Variants in EIF2AK3 observed in about 807,000 individuals in gnomAD.
EIF2AK3 encodes the protein eukaryotic translation initiation factor 2 alpha kinase 3.
EIF2AK3 carries 50 observed loss-of-function variants against 113.5 expected under a neutral mutation model. The ratio of observed to expected loss-of-function variants is 0.44; its 90% CI spans 0.35 to 0.56. EIF2AK3 has a LOEUF of 0.56. Ranked by LOEUF, EIF2AK3 falls within the 20% of genes least tolerant of loss-of-function variation. The pLI is 0.00. For missense variants in EIF2AK3, 1,185 were observed against 1,378.0 expected (o/e 0.86, Z 2.22); for synonymous variants, 448 against 495.4 (o/e 0.90, Z 1.27).
chr2:88,571,809 T>G (rs1321802445), intron 13 of EIF2AK3, among the ~76,000 whole-genome samples: 1 of 152,196 alleles, frequency 6.6e-6, no homozygotes, highest in Non-Finnish European at 1.5e-5. Flanking sequence ...AAAACCTCTA[T>G]GTTCTCAAGA....
At chr2:88,604,997 C>T (rs1159021574) in intron 2 of EIF2AK3, among the ~76,000 whole-genome samples, 1 of 151,978 alleles carries the variant, frequency 6.6e-6, no homozygotes, top group African/African-American at 2.4e-5. Flanking sequence ...TTTTTGATCC[C>T]CGATTTTATC....
At chr2:88,594,422 C>A (rs1336781724) in intron 3 of EIF2AK3, among the ~76,000 whole-genome samples, 2 of 152,182 alleles carry the variant, frequency 1.3e-5, no homozygotes, top group Non-Finnish European at 2.9e-5. Flanking sequence ...GTCTCGAACT[C>A]CTGGCCTCAA....
At chr2:88,567,264 A>G (rs1434346641) in intron 14 of EIF2AK3, among the ~76,000 whole-genome samples, 3 of 151,168 alleles carry the variant, frequency 2.0e-5, no homozygotes, top group Non-Finnish European at 2.9e-5. Context: ...TCATGGGGAT[A>G]TTTAAACACA....
intron 13 of EIF2AK3, 36 bp from the exon 14 acceptor site, chr2:88,571,077 G>A (rs777054739): frequency 2.5e-6 from 4 of 1,608,152 alleles, no homozygotes; most frequent in Middle Eastern, 1.6e-4. Context: ...TACAGTGGGT[G>A]TGCATGGAGG....
At chr2:88,559,510 C>CTG (rs141821640) in intron 15 of EIF2AK3, among the ~76,000 whole-genome samples, 65,864 of 141,138 alleles carry the variant, frequency 0.47, 16,581 homozygotes, top group East Asian at 0.65. Flanking sequence ...ACCAAGATGA[C>CTG]TGTGTGTGTG....
intron 1 of EIF2AK3, among the ~76,000 whole-genome samples, chr2:88,619,968 A>AAC (rs1283131754): frequency 6.6e-6 from 1 of 151,974 alleles, no homozygotes; most frequent in East Asian, 1.9e-4. Flanking sequence ...AAAAAAAAAA[A>AAC]AAAAAAATCT....
chr2:88,558,162 T>G (rs187164681), intron 16 of EIF2AK3, among the ~76,000 whole-genome samples: 1 of 152,142 alleles, frequency 6.6e-6, no homozygotes, highest in Admixed American at 6.6e-5. Context: ...AGAACTTTAT[T>G]ATAAAAATAG....
At chr2:88,606,602 A>G (rs1205953877) in intron 2 of EIF2AK3, among the ~76,000 whole-genome samples, 1 of 152,256 alleles carries the variant, frequency 6.6e-6, no homozygotes, top group Non-Finnish European at 1.5e-5. Flanking sequence ...AAAAACTGCA[A>G]AACAACTTGG....
intron 1 of EIF2AK3, among the ~76,000 whole-genome samples, chr2:88,618,459 G>A (rs150363224): frequency 8.5e-5 from 13 of 152,214 alleles, no homozygotes; most frequent in African/African-American, 3.1e-4. Context: ...TTTTTTCATA[G>A]GCAAAATATG....
intron 14 of EIF2AK3, among the ~76,000 whole-genome samples, chr2:88,570,644 G>A (rs985182442): frequency 2.6e-5 from 4 of 152,192 alleles, no homozygotes; most frequent in African/African-American, 4.8e-5. Context: ...GCTTGTTCAG[G>A]GGGTGAGTGC....
At chr2:88,626,051 C>A (rs924381444) in intron 1 of EIF2AK3, among the ~76,000 whole-genome samples, 2 of 152,246 alleles carry the variant, frequency 1.3e-5, no homozygotes, top group African/African-American at 4.8e-5. Flanking sequence ...ACTTAATGCT[C>A]CCTTTAGCAC....
At chr2:88,610,551 TAAATC>T (rs1197741576) in intron 2 of EIF2AK3, among the ~76,000 whole-genome samples, 2 of 152,340 alleles carry the variant, frequency 1.3e-5, no homozygotes. Flanking sequence ...TTTACGTAGT[TAAATC>T]AAAACAACAA....
chr2:88,578,948 T>C (rs1363539343), intron 11 of EIF2AK3, among the ~76,000 whole-genome samples: 1 of 152,194 alleles, frequency 6.6e-6, no homozygotes, highest in Non-Finnish European at 1.5e-5. Flanking sequence ...ATGGCACGTG[T>C]ATTAAATGGA....
intron 15 of EIF2AK3, among the ~76,000 whole-genome samples, chr2:88,560,865 A>G (rs1293040916): frequency 3.3e-5 from 5 of 152,060 alleles, no homozygotes; most frequent in Admixed American, 6.6e-5. Context: ...AGAGATCAAT[A>G]AGTAAGATCT....
At chr2:88,583,354 A>G in intron 10 of EIF2AK3, 76 bp downstream of exon 10, 2 of 1,134,120 alleles carry the variant, frequency 1.8e-6, no homozygotes, top group Non-Finnish European at 2.6e-6. Context: ...ATATCCACAC[A>G]TTAAAAAAAA....
At chr2:88,569,081 G>A (rs1317859792) in intron 14 of EIF2AK3, among the ~76,000 whole-genome samples, 1 of 152,110 alleles carries the variant, frequency 6.6e-6, no homozygotes, top group African/African-American at 2.4e-5. Context: ...ACAAGAGACG[G>A]GGTTTCACCA....
chr2:88,577,014 T>TAGACA (rs1674479755), intron 11 of EIF2AK3, among the ~76,000 whole-genome samples: 1 of 151,912 alleles, frequency 6.6e-6, no homozygotes, highest in Non-Finnish European at 1.5e-5. Context: ...GACAGGGTCT[T>TAGACA]GCTCTGTCAC....
In EIF2AK3 at chr2:88,595,466, T is replaced by C. The variant is rs376869583; in HGVS notation, c.633+3A>G. ...CCAAAGTAAATTCAGCATTTTCACT[T>C]ACCTTTCCACTATATGCACTGAGTC... On this transcript the variant is annotated splice_donor_region_variant and intron_variant, in intron 3 of 16. Coordinates refer to ENST00000303236, the MANE Select transcript of EIF2AK3 (RefSeq NM_004836.7). 6.6e-5 allele frequency: 106 copies of C among 1,613,800 alleles called. No individual in the cohort carries two copies. The highest frequency in any genetic ancestry group is 8.5e-5 in the Non-Finnish European group (100 of 1,179,864).
intron 13 of EIF2AK3, among the ~76,000 whole-genome samples, chr2:88,571,910 C>T (rs1295101411): frequency 6.6e-6 from 1 of 152,128 alleles, no homozygotes; most frequent in Non-Finnish European, 1.5e-5. Context: ...ATGGGCTTCT[C>T]AAACCCAAGG....
Sources: allele counts gnomAD v4.1 joint callset (sites outside exome capture counted in the v4.1 genomes callset), GRCh38; gene constraint gnomAD v4.1.1; transcripts MANE v1.5; gene names NCBI Gene and HGNC (gene_info 2026-07-23, HGNC 2026-07-21).